The following TMEM117 variants were observed in gnomAD, a reference collection of about 807,000 sequenced individuals.
The protein encoded by TMEM117 is transmembrane protein 117.
In TMEM117, 27 loss-of-function variants were observed where a neutral mutation model predicts 52.4. The ratio of observed to expected loss-of-function variants is 0.51; its 90% confidence interval spans 0.38 to 0.71. The LOEUF is 0.71. Among genes scored for constraint, TMEM117 ranks in the 30% least tolerant of loss-of-function variants. The pLI is 0.00. For synonymous variants in TMEM117, 215 were observed against 206.3 expected (o/e 1.04, Z -0.36); for missense variants, 556 against 630.5 (o/e 0.88, Z 1.26).
chr12:44,388,891 T>G lies in TMEM117; in HGVS notation c.*219T>G. On this transcript the variant is annotated 3_prime_UTR_variant, in exon 8 of 8. Transcript: ENST00000266534. Reference sequence around the variant, plus strand: ...TACTCAACAGTCCTCTAGAGATTGCTTTTCACAATTGCACAAGCTATTACT... The same window carrying G: ...TACTCAACAGTCCTCTAGAGATTGCGTTTCACAATTGCACAAGCTATTACT... 1.8e-6 allele frequency: 1 copy of G among 544,224 alleles called. No individual in the cohort carries two copies. The highest frequency in any genetic ancestry group is 3.2e-6 in the Non-Finnish European group (1 of 310,970). 33.7% of individuals were successfully genotyped at this position (544,224 alleles called of 1,614,324 possible).
chr12:44,234,911 A>G (rs1949976575), intron 5 of TMEM117, among the ~76,000 whole-genome samples: 1 of 151,438 alleles, frequency 6.6e-6, no homozygotes, highest in South Asian at 2.1e-4. Flanking sequence ...AAAAATGTGT[A>G]TTCTGTATTT....
At chr12:44,310,439 G>A (rs1452487570) in intron 6 of TMEM117, among the ~76,000 whole-genome samples, 2 of 152,174 alleles carry the variant, frequency 1.3e-5, no homozygotes, top group African/African-American at 4.8e-5. Context: ...GGGAGTTCAA[G>A]ACCAGCCTGA....
chr12:43,960,960 CTT>C (rs1241500827), intron 3 of TMEM117, among the ~76,000 whole-genome samples: 1 of 152,032 alleles, frequency 6.6e-6, no homozygotes, highest in Non-Finnish European at 1.5e-5. Context: ...TCTTGGTTGT[CTT>C]TGGCTTTATT....
chr12:44,076,270 G>A (rs1947380507), intron 3 of TMEM117, among the ~76,000 whole-genome samples: 1 of 152,146 alleles, frequency 6.6e-6, no homozygotes, highest in African/African-American at 2.4e-5. Context: ...GAACTATATT[G>A]TATTGTGAGT....
At chr12:43,804,302 A>G in the TMEM117 span, 1 of 584,810 alleles carries the variant, frequency 1.7e-6, no homozygotes, top group Non-Finnish European at 3.2e-6. Context: ...TGTTTCCCTG[A>G]TAGTCACATA....
At chr12:44,152,445 A>ATATAAAAATTTTTATATATATAATTATAT (rs1565850601) in intron 4 of TMEM117, among the ~76,000 whole-genome samples, 25 of 112,834 alleles carry the variant, frequency 2.2e-4, no homozygotes, top group African/African-American at 9.2e-4. Context: ...ATATTTATAT[A>ATATAAAAATTTTTATATATATAATTATAT]ATATAAAAAT....
At position 44,149,056 on chromosome 12, in the gene TMEM117, C is replaced by T. The variant is rs143073653; in HGVS notation, c.510+5432C>T. On this transcript the variant is annotated intron_variant, in intron 4 of 7. Transcript: ENST00000266534. ...ACAGGGACACATGCTTGTGAACACT[C>T]TTGAATGGAAGTGATGAATTGCCAG... Among the ~76,000 whole-genome samples, 35 of 152,284 alleles carry T rather than the reference C, an allele frequency of 2.3e-4. No individual in the cohort carries two copies. In the East Asian group the frequency reaches 3.9e-3, roughly 17 times the overall value.
chr12:43,977,636 A>G (rs1945693970), intron 3 of TMEM117, among the ~76,000 whole-genome samples: 1 of 152,144 alleles, frequency 6.6e-6, no homozygotes, highest in Non-Finnish European at 1.5e-5. Flanking sequence ...GTCCTTACTC[A>G]TATTCCCCCT....
intron 3 of TMEM117, among the ~76,000 whole-genome samples, chr12:43,983,202 G>A (rs1043968278): frequency 2.0e-5 from 3 of 152,112 alleles, no homozygotes; most frequent in African/African-American, 7.2e-5. Context: ...ACAAGTCTCT[G>A]GTAGGCTTTG....
intron 1 of TMEM117, among the ~76,000 whole-genome samples, chr12:43,838,994 CATCTCAGGAAATGCATTTTCT>C (rs1943076033): frequency 6.6e-6 from 1 of 152,060 alleles, no homozygotes; most frequent in South Asian, 2.1e-4. Context: ...ATGCATTTTC[CATCTCAGGAAATGCATTTTCT>C]ATCTCAGGAA....
chr12:44,344,378 C>G (rs76996046), intron 6 of TMEM117, among the ~76,000 whole-genome samples: 4,233 of 152,172 alleles, frequency 0.028, 97 homozygotes, highest in African/African-American at 0.055. Flanking sequence ...GAACTTTGTA[C>G]TTGGTTTAAT....
intron 6 of TMEM117, among the ~76,000 whole-genome samples, chr12:44,333,625 C>T (rs1951302274): frequency 6.6e-6 from 1 of 152,042 alleles, no homozygotes; most frequent in Non-Finnish European, 1.5e-5. Context: ...GCTTGCTTCC[C>T]CTTCCTCCAT....
At position 43,904,133 on chromosome 12, in the gene TMEM117, G is replaced by T. The variant is rs948093132; in HGVS notation, c.278-40077G>T. ...ACTTGACATGTTCACAAATTAAAAA[G>T]AATGATTTCTTAATTTCCTCAAAAT... On this transcript the variant is annotated intron_variant, in intron 2 of 7. Coordinates refer to ENST00000266534, the MANE Select transcript of TMEM117 (RefSeq NM_032256.3). Among the ~76,000 whole-genome samples, 3 of 152,232 alleles carry T rather than the reference G, an allele frequency of 2.0e-5. No homozygotes were observed. In the East Asian group the frequency reaches 5.8e-4, roughly 29 times the overall value.
At chr12:43,917,230 CAAAAAAAA>C (rs10602069) in intron 2 of TMEM117, among the ~76,000 whole-genome samples, 1 of 102,154 alleles carries the variant, frequency 9.8e-6, no homozygotes, top group Non-Finnish European at 2.2e-5. Flanking sequence ...CTCATCTCTA[CAAAAAAAA>C]AAAAAAAAAA....
At chr12:44,264,792 T>C (rs1950357836) in intron 5 of TMEM117, among the ~76,000 whole-genome samples, 1 of 152,104 alleles carries the variant, frequency 6.6e-6, no homozygotes, top group African/African-American at 2.4e-5. Context: ...ATATGGATGA[T>C]CACTAAAAGA....
chr12:43,947,214 A>G (rs746120684), intron 3 of TMEM117, among the ~76,000 whole-genome samples: 2 of 152,154 alleles, frequency 1.3e-5, no homozygotes, highest in African/African-American at 2.4e-5. Context: ...CACGCCTTGT[A>G]GTCCTAGCTA....
chr12:44,158,299 A>G (rs1948854009), intron 4 of TMEM117, among the ~76,000 whole-genome samples: 1 of 152,182 alleles, frequency 6.6e-6, no homozygotes, highest in Non-Finnish European at 1.5e-5. Flanking sequence ...AAAGAATTCA[A>G]TAGTAAACCC....
chr12:44,220,686 A>G (rs1012117279), intron 5 of TMEM117, among the ~76,000 whole-genome samples: 5 of 152,106 alleles, frequency 3.3e-5, no homozygotes, highest in Admixed American at 3.3e-4. Context: ...GGGGTAGAGA[A>G]TATAGAAGAT....
Position 44,224,326 on chromosome 12 carries a change from G to T in TMEM117, c.608+12939G>T, listed in dbSNP as rs564893771. ...CGTTAGAGATTTTATTTGTTAATCT[G>T]CCCAAGAACCCAAAATATACAAGTT... On this transcript the variant is annotated intron_variant, in intron 5 of 7. Transcript: ENST00000266534. Among the ~76,000 whole-genome samples, 10 of 152,148 alleles carry T rather than the reference G, an allele frequency of 6.6e-5. No homozygotes were observed. The South Asian group carries it at 1.7e-3, about 25-fold the overall frequency.
Sources: allele counts gnomAD v4.1 joint callset (sites outside exome capture counted in the v4.1 genomes callset), GRCh38; gene constraint gnomAD v4.1.1; transcripts MANE v1.5; gene names NCBI Gene and HGNC (gene_info 2026-07-23, HGNC 2026-07-21).